ARMC10: variants seen among roughly 807,000 people sequenced by gnomAD.
ARMC10 encodes armadillo repeat-containing protein 10.
In ARMC10, 23 loss-of-function variants were observed where a neutral mutation model predicts 30.2. The observed-to-expected ratio is 0.76, with a 90% CI of 0.55 to 1.08. The LOEUF is 1.08. Ranked by LOEUF, ARMC10 falls within the 50% of genes least tolerant of loss-of-function variation. ARMC10 has a pLI of 0.00. For missense variants in ARMC10, 303 were observed against 413.7 expected, an observed-to-expected ratio of 0.73 and a Z score of 2.32; for synonymous variants, 111 against 164.4, an observed-to-expected ratio of 0.68 and a Z score of 2.48.
chr7:103,079,521 C>T (rs530103114), intron 2 of ARMC10, among the ~76,000 whole-genome samples: 3 of 152,310 alleles, frequency 2.0e-5, no homozygotes, highest in Admixed American at 2.0e-4. Context: ...TGTCTGCTAT[C>T]ACAGCTACTA....
At chr7:103,083,031 AT>A (rs2129521313) in intron 2 of ARMC10, 1 of 456,692 alleles carries the variant, frequency 2.2e-6, no homozygotes, top group East Asian at 6.9e-5. Flanking sequence ...GATCTGCTTA[AT>A]GCAAATCATA....
chr7:103,092,973 C>G (rs1801478607), intron 5 of ARMC10, among the ~76,000 whole-genome samples: 1 of 127,230 alleles, frequency 7.9e-6, no homozygotes, highest in South Asian at 3.2e-4. Flanking sequence ...TCAGGGTTAA[C>G]AAATCATTTT....
At chr7:103,084,554 T>C (rs756313909) in intron 3 of ARMC10, among the ~76,000 whole-genome samples, 17 of 152,282 alleles carry the variant, frequency 1.1e-4, no homozygotes, top group Admixed American at 2.0e-4. Context: ...ATGACAGAAT[T>C]CACTTTAAAT....
At chr7:103,087,468 T>G (rs866993924) in intron 4 of ARMC10, among the ~76,000 whole-genome samples, 7 of 152,302 alleles carry the variant, frequency 4.6e-5, no homozygotes, top group Admixed American at 2.6e-4. Flanking sequence ...ACTTGGTAAA[T>G]GCCAACAGTT....
At chr7:103,086,952 T>C (rs1310568289) in intron 4 of ARMC10, 188 bp downstream of exon 4, 2 of 1,443,940 alleles carry the variant, frequency 1.4e-6, no homozygotes, top group Middle Eastern at 2.0e-4. Flanking sequence ...AATAAGACTT[T>C]TGTTTCAGTA....
intron 4 of ARMC10, among the ~76,000 whole-genome samples, chr7:103,091,488 TTATATA>T (rs71110812): frequency 1.7e-4 from 5 of 29,068 alleles, no homozygotes; most frequent in African/African-American, 1.9e-4. Context: ...AAGGGGTGAA[TTATATA>T]TATATATATA....
At chr7:103,087,050 C>T (rs1800924810) in intron 4 of ARMC10, 2 of 554,888 alleles carry the variant, frequency 3.6e-6, no homozygotes, top group Admixed American at 4.4e-5. Context: ...TAGGCACCAA[C>T]CAAATAGTGA....
chr7:103,093,678 C>T (rs1013491107), intron 5 of ARMC10, among the ~76,000 whole-genome samples: 1 of 152,186 alleles, frequency 6.6e-6, no homozygotes, highest in African/African-American at 2.4e-5. Context: ...AAACTCCTTC[C>T]CTCTTTACTG....
At chr7:103,084,082 G>T in intron 3 of ARMC10, 2 of 1,434,258 alleles carry the variant, frequency 1.4e-6, no homozygotes, top group Non-Finnish European at 1.8e-6. Context: ...TCTAATCAAC[G>T]TTTACCATTT....
intron 2 of ARMC10, 82 bp from the exon 3 acceptor site, chr7:103,083,600 T>G: frequency 7.9e-7 from 1 of 1,271,430 alleles, no homozygotes. Context: ...CACACCAGCC[T>G]GGGTGACAGA....
chr7:103,084,118 T>A, intron 3 of ARMC10: 1 of 1,132,434 alleles, frequency 8.8e-7, no homozygotes, highest in East Asian at 4.2e-5. Context: ...TATTTAAAAT[T>A]CAGCAGTGCT....
At chr7:103,083,920 C>A in intron 3 of ARMC10, 90 bp downstream of exon 3, 2 of 1,517,776 alleles carry the variant, frequency 1.3e-6, no homozygotes, top group Non-Finnish European at 9.0e-7. Context: ...ACCTCTCAGA[C>A]CCTCAATTTC....
intron 2 of ARMC10, among the ~76,000 whole-genome samples, chr7:103,076,375 T>G (rs1233575313): frequency 6.6e-6 from 1 of 152,240 alleles, no homozygotes; most frequent in Non-Finnish European, 1.5e-5. Flanking sequence ...ATCTTTATGA[T>G]GTGGAACCAG....
intron 5 of ARMC10, among the ~76,000 whole-genome samples, chr7:103,095,055 A>T (rs762573058): frequency 2.8e-4 from 43 of 152,206 alleles, no homozygotes; most frequent in Admixed American, 4.6e-4. Context: ...AGAAATTGTG[A>T]CTATACAGGA....
chr7:103,084,437 T>G (rs973905667), intron 3 of ARMC10, among the ~76,000 whole-genome samples: 2 of 152,144 alleles, frequency 1.3e-5, no homozygotes, highest in Non-Finnish European at 2.9e-5. Flanking sequence ...GAATTTATAG[T>G]TTTTTTTAGC....
chr7:103,077,433 T>G (rs1349095036), intron 2 of ARMC10, among the ~76,000 whole-genome samples: 2 of 152,142 alleles, frequency 1.3e-5, no homozygotes, highest in Non-Finnish European at 2.9e-5. Flanking sequence ...AGTCCAAGAT[T>G]GAGGGGCCGT....
intron 4 of ARMC10, 148 bp from the exon 5 acceptor site, chr7:103,092,329 T>TC (rs1801411724): frequency 8.0e-6 from 2 of 249,464 alleles, no homozygotes; most frequent in South Asian, 1.3e-4. Flanking sequence ...AGACTCCGTC[T>TC]CAAAAAAAAA....
intron 6 of ARMC10, among the ~76,000 whole-genome samples, chr7:103,097,835 C>G (rs1236148586): frequency 6.6e-6 from 1 of 152,116 alleles, no homozygotes; most frequent in African/African-American, 2.4e-5. Context: ...GTTCTGAATG[C>G]TGGGATAGAA....
chr7:103,092,993 GTTA>G (rs149184450), intron 5 of ARMC10, among the ~76,000 whole-genome samples: 133,186 of 151,986 alleles, frequency 0.88, 61,047 homozygotes, highest in East Asian at 1. Flanking sequence ...TTTTGATTCA[GTTA>G]TTTGTTGAAA....
Sources: allele counts gnomAD v4.1 joint callset (sites outside exome capture counted in the v4.1 genomes callset), GRCh38; gene constraint gnomAD v4.1.1; transcripts MANE v1.5; gene names NCBI Gene and HGNC (gene_info 2026-07-23, HGNC 2026-07-21).